APLF: variants seen among roughly 807,000 people sequenced by gnomAD.
APLF encodes the protein aprataxin and PNK-like factor.
In APLF, 61 loss-of-function variants were observed where a neutral mutation model predicts 55.6. The observed-to-expected ratio is 1.10, with a 90% CI of 0.89 to 1.36. The LOEUF is 1.36. Ranked by LOEUF, APLF falls within the 40% of genes most tolerant of loss-of-function variation. The probability of loss-of-function intolerance (pLI) is 0.00; values close to 1 mark genes in which losing one functional copy is unlikely to be tolerated. For synonymous variants in APLF, 207 were observed against 214.8 expected, an observed-to-expected ratio of 0.96 and a Z score of 0.32; for missense variants, 611 against 602.5, an observed-to-expected ratio of 1.01 and a Z score of -0.15.
intron 9 of APLF, among the ~76,000 whole-genome samples, chr2:68,570,943 C>T (rs906861139): frequency 4.1e-4 from 62 of 152,162 alleles, no homozygotes; most frequent in Admixed American, 9.8e-4. Context: ...TTCTCCATAT[C>T]CTCTCCAGCA....
At chr2:68,493,299 A>G (rs1676427013) in intron 2 of APLF, among the ~76,000 whole-genome samples, 1 of 152,154 alleles carries the variant, frequency 6.6e-6, no homozygotes, top group Admixed American at 6.5e-5. Context: ...TTTTATCAGT[A>G]AATGGTACTG....
intron 5 of APLF, among the ~76,000 whole-genome samples, chr2:68,521,764 T>A (rs1669904350): frequency 6.6e-6 from 1 of 151,982 alleles, no homozygotes; most frequent in African/African-American, 2.4e-5. Context: ...AAGTGGCACA[T>A]GCTGATGAAG....
chr2:68,513,991 A>C (rs1308998615), intron 5 of APLF, among the ~76,000 whole-genome samples: 2 of 151,852 alleles, frequency 1.3e-5, no homozygotes. Context: ...CAGCACAATA[A>C]GAGGGTTTAA....
intron 1 of APLF, among the ~76,000 whole-genome samples, chr2:68,470,881 G>C (rs1013580739): frequency 6.6e-6 from 1 of 152,218 alleles, no homozygotes; most frequent in South Asian, 2.1e-4. Context: ...GGTGGCATCA[G>C]TTCACCACTT....
intron 1 of APLF, among the ~76,000 whole-genome samples, chr2:68,481,857 C>G (rs1463022772): frequency 6.6e-6 from 1 of 151,702 alleles, no homozygotes; most frequent in Non-Finnish European, 1.5e-5. Context: ...TTCGGAAATT[C>G]TTCTGCTTGA....
intron 2 of APLF, among the ~76,000 whole-genome samples, chr2:68,500,259 CT>C (rs1676679983): frequency 6.6e-6 from 1 of 152,118 alleles, no homozygotes. Flanking sequence ...ATCATTTTTA[CT>C]CTTCATTTTG....
chr2:68,549,104 A>C (rs992157888), intron 8 of APLF, among the ~76,000 whole-genome samples: 2 of 152,024 alleles, frequency 1.3e-5, no homozygotes, highest in African/African-American at 4.8e-5. Flanking sequence ...TATCTGAATC[A>C]GGATCTGCTT....
chr2:68,512,944 ATATT>A lies in APLF; in HGVS notation c.342-135_342-132del, dbSNP rs572589865. The A allele has an allele frequency of 1.8e-4, 114 of 620,414 alleles. No homozygotes were observed. In the South Asian group the frequency reaches 2.6e-3, roughly 14 times the overall value. The allele number at this position is 620,414 out of a possible 1,614,324, so 38.4% of individuals were successfully genotyped here. A position where few individuals can be genotyped will look rare whatever the true frequency, so the allele number is the denominator to read the frequency against. On this transcript the variant is annotated intron_variant, in intron 3 of 9. Coordinates refer to ENST00000303795, the MANE Select transcript of APLF (RefSeq NM_173545.3). ...AAATAAAGAACATATTCTAGTCTAT[ATATT>A]CTAGTATACTATAATCTGCTTTTTT... is the stretch of plus-strand genomic sequence containing the variant.
intron 9 of APLF, among the ~76,000 whole-genome samples, chr2:68,573,713 G>A (rs1360260867): frequency 6.6e-6 from 1 of 150,992 alleles, no homozygotes; most frequent in African/African-American, 2.4e-5. Flanking sequence ...TAGGTTAAGT[G>A]ACTTGTTCAT....
At chr2:68,549,588 C>T (rs938287716) in intron 8 of APLF, among the ~76,000 whole-genome samples, 1 of 152,022 alleles carries the variant, frequency 6.6e-6, no homozygotes, top group Non-Finnish European at 1.5e-5. Flanking sequence ...TTTTATTGAA[C>T]ATATGGTGTG....
rs557859439 is a variant in APLF, at chr2:68,567,963, G to A, written c.1333+576G>A. Among the ~76,000 whole-genome samples the A allele has an allele frequency of 2.6e-5, 4 of 152,186 alleles. No homozygotes were observed. The East Asian group carries it at 7.7e-4, about 29-fold the overall frequency. Reference sequence around the variant, plus strand: ...CTTTTTATTACTGGATTAGATCACAGTCTTAACCTTGATCCAATCACCATG... The same window carrying A: ...CTTTTTATTACTGGATTAGATCACAATCTTAACCTTGATCCAATCACCATG... On this transcript the variant is annotated intron_variant, in intron 9 of 9. Coordinates refer to ENST00000303795, the MANE Select transcript of APLF (RefSeq NM_173545.3).
intron 8 of APLF, among the ~76,000 whole-genome samples, chr2:68,567,115 G>C (rs769198332): frequency 6.6e-6 from 1 of 151,996 alleles, no homozygotes; most frequent in African/African-American, 2.4e-5. Context: ...AGTTCTTGAG[G>C]TAAGAACTTT....
intron 8 of APLF, among the ~76,000 whole-genome samples, chr2:68,558,822 A>C (rs1049491950): frequency 6.6e-6 from 1 of 151,904 alleles, no homozygotes; most frequent in Non-Finnish European, 1.5e-5. Context: ...CACCGACAGG[A>C]CCCAGTGTGT....
intron 1 of APLF, among the ~76,000 whole-genome samples, chr2:68,476,989 A>G (rs1675799454): frequency 6.6e-6 from 1 of 152,222 alleles, no homozygotes; most frequent in African/African-American, 2.4e-5. Context: ...AAACATTGAA[A>G]AATTAAAAAG....
intron 8 of APLF, among the ~76,000 whole-genome samples, chr2:68,564,041 CTAAAG>C (rs1189523947): frequency 2.0e-5 from 3 of 151,882 alleles, no homozygotes; most frequent in Admixed American, 1.3e-4. Context: ...ACCATTTTTT[CTAAAG>C]TAAAGATGAA....
chr2:68,471,796 TGAA>T (rs1675625090), intron 1 of APLF, among the ~76,000 whole-genome samples: 1 of 152,170 alleles, frequency 6.6e-6, no homozygotes, highest in South Asian at 2.1e-4. Context: ...AGTCTGTTGA[TGAA>T]GAGTTAAATT....
At chr2:68,554,628 A>G (rs1670954355) in intron 8 of APLF, among the ~76,000 whole-genome samples, 1 of 149,860 alleles carries the variant, frequency 6.7e-6, no homozygotes. Context: ...TTGGTTAGGT[A>G]TATTCCTAAG....
chr2:68,491,883 A>G (rs1201082194), intron 2 of APLF, among the ~76,000 whole-genome samples: 1 of 152,200 alleles, frequency 6.6e-6, no homozygotes, highest in African/African-American at 2.4e-5. Context: ...GGACAACTCA[A>G]TAGATATCAG....
intron 3 of APLF, among the ~76,000 whole-genome samples, chr2:68,508,656 A>G (rs369013375): frequency 6.6e-6 from 1 of 151,782 alleles, no homozygotes; most frequent in Admixed American, 6.6e-5. Context: ...TAAGAAAGTG[A>G]AAAGATTTAG....
Sources: gnomAD v4.1 joint callset for allele counts (sites outside exome capture counted in the v4.1 genomes callset) on GRCh38, gnomAD v4.1.1 for gene constraint, MANE v1.5 for transcripts, NCBI Gene and HGNC (gene_info 2026-07-23, HGNC 2026-07-21) for gene names.